Variants in CR1 observed in about 807,000 individuals in gnomAD.
CR1 encodes complement receptor type 1.
In CR1, 116 loss-of-function variants were observed where a neutral mutation model predicts 187.3. The observed-to-expected ratio is 0.62, with a 90% confidence interval of 0.53 to 0.72. The LOEUF (loss-of-function observed/expected upper bound fraction) is 0.72, where lower values mean the gene tolerates loss of function less well. Among genes scored for constraint, CR1 ranks in the 30% least tolerant of loss-of-function variants. The pLI, the probability that CR1 is intolerant of heterozygous loss-of-function variation, is 0.00. For synonymous variants in CR1, 576 were observed against 747.1 expected, an observed-to-expected ratio of 0.77 and a Z score of 3.73; for missense variants, 1,731 against 2,110.7, an observed-to-expected ratio of 0.82 and a Z score of 3.52.
At chr1:207,580,128 G>C in intron 29 of CR1, 112 bp from the exon 30 acceptor site, 4 of 1,473,154 alleles carry the variant, frequency 2.7e-6, no homozygotes, top group Non-Finnish European at 3.7e-6. Flanking sequence ...GGGGCCTTGT[G>C]CTAGGGAGAA....
At chr1:207,612,392 G>T (rs1453151696) in intron 39 of CR1, among the ~76,000 whole-genome samples, 2 of 152,182 alleles carry the variant, frequency 1.3e-5, no homozygotes, top group Non-Finnish European at 2.9e-5. Context: ...GACAAAAATT[G>T]TTTGCCCCAT....
intron 4 of CR1, among the ~76,000 whole-genome samples, chr1:207,522,354 C>G (rs1372295847): frequency 6.6e-6 from 1 of 152,224 alleles, no homozygotes; most frequent in Non-Finnish European, 1.5e-5. Context: ...ACCCTGATTA[C>G]CAGGGCCTAG....
At position 207,578,181 on chromosome 1, in the gene CR1, A is replaced by G. The variant is rs759357155; in HGVS notation, c.4914A>G (p.Pro1638=). The stretch of plus-strand genomic sequence containing the variant: ...GCCAGGCCCTGAACAAATGGGAGCC[A>G]GAGTTACCAAGCTGCTCCAGGGGTG... ...VKCQALNKWE[P]ELPSCSRVCQ... is the part of the protein sequence containing the mutation. The change falls in exon 29 of 47, where the codon CCA becomes CCG. Residue 1638 remains proline (P), a synonymous_variant. Transcript: ENST00000367049. 2.0e-4 allele frequency: 318 copies of G among 1,611,292 alleles called. 5 individuals are homozygous for G. The South Asian group carries it at 2.5e-3, about 13-fold the overall frequency.
In CR1 at chr1:207,609,161, T is replaced by A. The variant is rs932211315; in HGVS notation, c.5897-129T>A. On this transcript the variant is annotated intron_variant, in intron 36 of 46. Transcript: ENST00000367049. ...AATGTCTGATTATTAGCAAATATTT[T>A]AAGAAAATAACAGTATTGTAATTCC... 17 of 978,218 alleles carry A rather than the reference T, an allele frequency of 1.7e-5. No homozygotes were observed. The Admixed American group carries it at 2.0e-4, about 11-fold the overall frequency. The allele number at this position is 978,218 out of a possible 1,614,324, so 60.6% of individuals were successfully genotyped here. A position where few individuals can be genotyped will look rare whatever the true frequency, so the allele number is the denominator to read the frequency against.
At position 207,572,683 on chromosome 1, in the gene CR1, C is replaced by T. The variant is rs1420850194; in HGVS notation, c.4451+2737C>T. 5.4e-5 allele frequency among the ~76,000 whole-genome samples: 8 copies of T among 148,500 alleles called. No individual in the cohort carries two copies. In the South Asian group the frequency reaches 1.3e-3, roughly 25 times the overall value. ...AGGAATGTCTGTAACACGAAGTGGG[C>T]GGCTTAATACAACAGAAGTTTTTGG... is the stretch of plus-strand genomic sequence containing the variant. On this transcript the variant is annotated intron_variant, in intron 27 of 46. Coordinates refer to ENST00000367049, the MANE Select transcript of CR1 (RefSeq NM_000651.6).
chr1:207,566,615 G>A (rs1303180302), intron 24 of CR1, among the ~76,000 whole-genome samples: 1 of 150,148 alleles, frequency 6.7e-6, no homozygotes, highest in Non-Finnish European at 1.5e-5. Context: ...ACATTAGACA[G>A]GGTGAGCAGT....
intron 23 of CR1, among the ~76,000 whole-genome samples, chr1:207,565,342 C>T (rs373361928): frequency 1.0e-4 from 15 of 150,504 alleles, no homozygotes; most frequent in East Asian, 1.9e-4. Context: ...GCAGCCCAAA[C>T]TGCCCTTTTG....
At chr1:207,585,115 G>A (rs1661074919) in intron 33 of CR1, among the ~76,000 whole-genome samples, 1 of 152,146 alleles carries the variant, frequency 6.6e-6, no homozygotes, top group Non-Finnish European at 1.5e-5. Context: ...AAAAGGGACT[G>A]AGGGAGGGGT....
At chr1:207,500,833 G>C (rs997286957) in intron 1 of CR1, among the ~76,000 whole-genome samples, 9 of 152,132 alleles carry the variant, frequency 5.9e-5, no homozygotes, top group Non-Finnish European at 1.3e-4. Flanking sequence ...TAGCAGTTTT[G>C]TTTGTAATAG....
chr1:207,611,309 G>A (rs1357240630), intron 37 of CR1, among the ~76,000 whole-genome samples: 2 of 152,212 alleles, frequency 1.3e-5, no homozygotes, highest in East Asian at 3.9e-4. Context: ...CCTTGCTGTT[G>A]CCTTACGCAT....
intron 46 of CR1, among the ~76,000 whole-genome samples, chr1:207,634,761 C>T (rs1296233685): frequency 4.6e-5 from 7 of 152,164 alleles, no homozygotes; most frequent in Non-Finnish European, 7.4e-5. Flanking sequence ...TCATTCTTAA[C>T]TGTAAGTAGA....
chr1:207,517,438 G>C (rs765913172), intron 4 of CR1, among the ~76,000 whole-genome samples: 4 of 152,034 alleles, frequency 2.6e-5, no homozygotes, highest in Non-Finnish European at 5.9e-5. Flanking sequence ...CAGAAAATTT[G>C]CATTTATATT....
chr1:207,601,213 A>G (rs1010385275), intron 35 of CR1, among the ~76,000 whole-genome samples: 2 of 152,092 alleles, frequency 1.3e-5, no homozygotes, highest in Non-Finnish European at 2.9e-5. Context: ...CTATAAATAT[A>G]CAAGAATGAG....
chr1:207,514,369 C>A (rs1285285535), intron 4 of CR1, among the ~76,000 whole-genome samples: 2 of 152,056 alleles, frequency 1.3e-5, no homozygotes, highest in African/African-American at 4.8e-5. Flanking sequence ...TTTGAGTCCA[C>A]CCCAAATCCA....
In CR1 at chr1:207,506,711, T is replaced by C. The variant is rs757875786; in HGVS notation, c.302-3T>C. 6.2e-7 allele frequency: 1 copy of C among 1,613,170 alleles called. No homozygotes were observed. The highest frequency in any genetic ancestry group is 1.1e-5 in the South Asian group (1 of 90,996). On this transcript the variant is annotated splice_region_variant and splice_polypyrimidine_tract_variant and intron_variant, in intron 2 of 46. Transcript: ENST00000367049. ...GCTCCAAAATTCTGTTTCTTTCCTG[T>C]AGGTAAATCATGTCGTAATCCTCCA...
chr1:207,526,343 G>C (rs1391757246), intron 5 of CR1, among the ~76,000 whole-genome samples: 1 of 151,728 alleles, frequency 6.6e-6, no homozygotes, highest in Admixed American at 6.6e-5. Context: ...CATGGGCAGG[G>C]GCACTCCTTT....
chr1:207,515,075 G>A (rs543273199), intron 4 of CR1, among the ~76,000 whole-genome samples: 23 of 138,280 alleles, frequency 1.7e-4, no homozygotes, highest in African/African-American at 3.4e-4. Flanking sequence ...ACGTATATAC[G>A]TATGCATACG....
At chr1:207,639,126 C>T (rs1354054379) in intron 46 of CR1, among the ~76,000 whole-genome samples, 2 of 152,242 alleles carry the variant, frequency 1.3e-5, no homozygotes, top group Non-Finnish European at 1.5e-5. Flanking sequence ...TTTAGAATGA[C>T]ATTGACTAGC....
chr1:207,615,643 G>A (rs1050827045), intron 40 of CR1, among the ~76,000 whole-genome samples: 15 of 152,118 alleles, frequency 9.9e-5, no homozygotes, highest in African/African-American at 3.6e-4. Context: ...ATTAGAAAAT[G>A]TTTATTTTAA....
Sources: allele counts gnomAD v4.1 joint callset (sites outside exome capture counted in the v4.1 genomes callset), GRCh38; gene constraint gnomAD v4.1.1; transcripts MANE v1.5; gene names NCBI Gene and HGNC (gene_info 2026-07-23, HGNC 2026-07-21).